The following CLTCL1 variants were observed in gnomAD, a reference collection of about 807,000 sequenced individuals.
The protein encoded by CLTCL1 is clathrin heavy chain like 1.
In CLTCL1, 159 loss-of-function variants were observed where a neutral mutation model predicts 190.0. The observed-to-expected ratio is 0.84, with a 90% CI of 0.74 to 0.95. The LOEUF is 0.95. CLTCL1 is among the 40% of genes least tolerant of loss of function. The pLI is 0.00. For synonymous variants in CLTCL1, 752 were observed against 769.6 expected (o/e 0.98, Z 0.38); for missense variants, 1,878 against 2,033.4 (o/e 0.92, Z 1.47).
intron 7 of CLTCL1, among the ~76,000 whole-genome samples, chr22:19,233,882 A>G (rs1447627943): frequency 6.6e-6 from 1 of 152,196 alleles, no homozygotes; most frequent in African/African-American, 2.4e-5. Context: ...CGGCCTCTCA[A>G]TCAGTCTTGT....
rs547728650 is a variant in CLTCL1 at position 19,291,655 on chromosome 22, C to T, written c.-14G>A. 78 of 1,376,174 alleles carry T rather than the reference C, an allele frequency of 5.7e-5. 1 individual carries two copies. The African/African-American group carries it at 1.0e-3, about 18-fold the overall frequency. 85.2% of individuals were successfully genotyped at this position (1,376,174 alleles called of 1,614,324 possible). A position where few individuals can be genotyped will look rare whatever the true frequency, so the allele number is the denominator to read the frequency against. On this transcript the variant is annotated 5_prime_UTR_variant, in exon 1 of 33. Coordinates refer to ENST00000427926, the MANE Select transcript of CLTCL1 (RefSeq NM_007098.4). ...GATCTGCGCCATGGCTGGTGCGGGA[C>T]CTCGGCGGCGGCGGCGGCAGCGGCA...
At chr22:19,221,666 G>T in intron 16 of CLTCL1, 55 bp from the exon 17 acceptor site, 1 of 1,433,656 alleles carries the variant, frequency 7.0e-7, no homozygotes, top group Non-Finnish European at 9.5e-7. Flanking sequence ...GAAGTCTTGA[G>T]GGCAACTCCA....
chr22:19,194,111 G>T (rs1005662387), intron 26 of CLTCL1, among the ~76,000 whole-genome samples: 1 of 152,068 alleles, frequency 6.6e-6, no homozygotes, highest in Non-Finnish European at 1.5e-5. Context: ...TGATTGGTAC[G>T]TTTTTTACAG....
At chr22:19,270,806 A>C (rs1350206928) in intron 2 of CLTCL1, among the ~76,000 whole-genome samples, 2 of 149,312 alleles carry the variant, frequency 1.3e-5, no homozygotes, top group Non-Finnish European at 3.0e-5. Context: ...AGAAAGATAT[A>C]AAAAAAAAAT....
At chr22:19,201,198 A>G (rs1555939007) in intron 23 of CLTCL1, 131 bp downstream of exon 23, 3 of 1,107,806 alleles carry the variant, frequency 2.7e-6, no homozygotes, top group Non-Finnish European at 3.7e-6. Flanking sequence ...AGAGACTCTA[A>G]GAATCCCAAG....
At chr22:19,224,936 C>T (rs2085692154) in intron 13 of CLTCL1, among the ~76,000 whole-genome samples, 1 of 152,194 alleles carries the variant, frequency 6.6e-6, no homozygotes, top group Non-Finnish European at 1.5e-5. Flanking sequence ...CACTCCCATC[C>T]CAACTGCCCT....
At chr22:19,201,546 C>T in intron 22 of CLTCL1, 53 bp from the exon 23 acceptor site, 2 of 1,561,478 alleles carry the variant, frequency 1.3e-6, no homozygotes, top group East Asian at 4.6e-5. Context: ...GAAGATTTCT[C>T]CAGAGTTGCT....
At position 19,229,935 on chromosome 22, in the gene CLTCL1, C is replaced by A; in HGVS notation, c.1685G>T (p.Cys562Phe). 1.9e-6 allele frequency: 3 copies of A among 1,611,236 alleles called. No individual in the cohort carries two copies. Among genetic ancestry groups the A allele is most frequent in the Non-Finnish European group, 2.5e-6 (3 of 1,178,784 alleles). ...IFMENSLIQQ[C>F]TSFLLDALKN... is the part of the protein sequence containing the mutation. ...CAAGGCATCCAATAAGAAGGAAGTACACTGCTGAATTAAACTGTTTTCCAT... is the reference window on the plus strand; with the variant it reads ...CAAGGCATCCAATAAGAAGGAAGTAAACTGCTGAATTAAACTGTTTTCCAT... The change falls in exon 11 of 33, where the codon TGT (cysteine) becomes TTT (phenylalanine). Residue 562 changes from cysteine (C) to phenylalanine (F), a missense_variant. Cys to Phe is a radical substitution (Grantham distance 205). Coordinates refer to ENST00000427926, the MANE Select transcript of CLTCL1 (RefSeq NM_007098.4).
intron 2 of CLTCL1, among the ~76,000 whole-genome samples, chr22:19,270,380 T>C (rs1433942117): frequency 2.6e-5 from 4 of 151,938 alleles, no homozygotes; most frequent in South Asian, 2.1e-4. Flanking sequence ...GTTCCAAAAC[T>C]GTATTGTAGA....
intron 18 of CLTCL1, among the ~76,000 whole-genome samples, chr22:19,216,829 CA>C (rs2085400212): frequency 6.6e-6 from 1 of 152,248 alleles, no homozygotes; most frequent in East Asian, 1.9e-4. Context: ...CCAAAGAGTA[CA>C]TTTCCCATGC....
At chr22:19,206,002 T>A (rs886594985) in intron 22 of CLTCL1, among the ~76,000 whole-genome samples, 1 of 151,374 alleles carries the variant, frequency 6.6e-6, no homozygotes, top group Non-Finnish European at 1.5e-5. Flanking sequence ...TCACAGCTCA[T>A]TACAGTCTTG....
intron 1 of CLTCL1, among the ~76,000 whole-genome samples, chr22:19,290,588 C>T (rs1211118867): frequency 1.3e-5 from 2 of 152,132 alleles, no homozygotes; most frequent in East Asian, 3.9e-4. Flanking sequence ...GGCAGGATCC[C>T]CTGGATATCA....
chr22:19,264,606 C>A (rs782673733), intron 2 of CLTCL1, among the ~76,000 whole-genome samples: 1 of 152,074 alleles, frequency 6.6e-6, no homozygotes, highest in Non-Finnish European at 1.5e-5. Context: ...AGCCAAGCTA[C>A]GCAACAACTG....
chr22:19,266,542 T>G (rs1468401725), intron 2 of CLTCL1, among the ~76,000 whole-genome samples: 1 of 152,212 alleles, frequency 6.6e-6, no homozygotes, highest in Admixed American at 6.5e-5. Context: ...TTTCAGAATA[T>G]AGAGGAAGAA....
chr22:19,192,641 G>A (rs771841651), intron 26 of CLTCL1, among the ~76,000 whole-genome samples: 10 of 152,332 alleles, frequency 6.6e-5, no homozygotes, highest in East Asian at 3.9e-4. Context: ...CTGACTAAAA[G>A]GGGTCTAATG....
At chr22:19,208,725 A>G (rs985491153) in intron 21 of CLTCL1, among the ~76,000 whole-genome samples, 197 bp downstream of exon 21, 2 of 151,968 alleles carry the variant, frequency 1.3e-5, no homozygotes, top group African/African-American at 4.8e-5. Flanking sequence ...GGAGGGCAAT[A>G]GTCAACTAAA....
intron 3 of CLTCL1, among the ~76,000 whole-genome samples, chr22:19,253,390 C>CT: frequency 6.6e-6 from 1 of 152,148 alleles, no homozygotes; most frequent in East Asian, 1.9e-4. Flanking sequence ...CATCGGGGCC[C>CT]TTTGACCCCA....
chr22:19,179,883 C>CG lies in CLTCL1; in HGVS notation c.*106dup. ...GGGTGGTGACAACGCCCACTACACG[C>CG]GGAAGTTGTACATTGGAGGCTGGCG... is the stretch of plus-strand genomic sequence containing the variant. On this transcript the variant is annotated 3_prime_UTR_variant, in exon 33 of 33. Coordinates refer to ENST00000427926, the MANE Select transcript of CLTCL1 (RefSeq NM_007098.4). The CG allele has an allele frequency of 2.5e-6, 1 of 400,426 alleles. No individual in the cohort carries two copies. Among genetic ancestry groups the CG allele is most frequent in the Non-Finnish European group, 4.6e-6 (1 of 219,538 alleles). 24.8% of individuals were successfully genotyped at this position (400,426 alleles called of 1,614,324 possible). A position where few individuals can be genotyped will look rare whatever the true frequency, so the allele number is the denominator to read the frequency against.
intron 19 of CLTCL1, among the ~76,000 whole-genome samples, chr22:19,215,640 G>A (rs563017648): frequency 1.1e-4 from 16 of 152,246 alleles, no homozygotes; most frequent in Non-Finnish European, 1.9e-4. Context: ...CTATAGTGCC[G>A]GGCCTGTGCT....
Sources: gnomAD v4.1 joint callset for allele counts (sites outside exome capture counted in the v4.1 genomes callset) on GRCh38, gnomAD v4.1.1 for gene constraint, MANE v1.5 for transcripts, NCBI Gene and HGNC (gene_info 2026-07-23, HGNC 2026-07-21) for gene names.